CD8A: variants seen among roughly 807,000 people sequenced by gnomAD.
The protein encoded by CD8A is CD8 subunit alpha.
In CD8A, 25 loss-of-function variants were observed where a neutral mutation model predicts 24.2. The ratio of observed to expected loss-of-function variants is 1.03; its 90% CI spans 0.75 to 1.44. CD8A has a LOEUF of 1.44. CD8A is among the 40% of genes most tolerant of loss of function. The pLI is 0.00. For synonymous variants in CD8A, 165 were observed against 149.9 expected, an observed-to-expected ratio of 1.10 and a Z score of -0.74; for missense variants, 360 against 319.7, an observed-to-expected ratio of 1.13 and a Z score of -0.96.
At chr2:86,807,853 C>G (rs2104471767) in intron 1 of CD8A, 1 of 155,738 alleles carries the variant, frequency 6.4e-6, no homozygotes, top group Admixed American at 6.5e-5. Flanking sequence ...GGGGCTAGCC[C>G]AGGCTGAAGG....
chr2:86,799,755 C>CAA (rs147022071), intron 3 of CD8A, among the ~76,000 whole-genome samples: 3 of 143,466 alleles, frequency 2.1e-5, no homozygotes, highest in African/African-American at 7.5e-5. Flanking sequence ...GACTCTGTCT[C>CAA]AAAAAAAAAA....
intron 4 of CD8A, among the ~76,000 whole-genome samples, chr2:86,788,792 T>C (rs1673130853): frequency 6.6e-6 from 1 of 152,082 alleles, no homozygotes; most frequent in Non-Finnish European, 1.5e-5. Flanking sequence ...GAGAGCCGGG[T>C]AAGGGCTTCT....
chr2:86,796,204 T>A (rs1162807654), intron 3 of CD8A, among the ~76,000 whole-genome samples: 1 of 152,172 alleles, frequency 6.6e-6, no homozygotes, highest in African/African-American at 2.4e-5. Context: ...CAGAAGCAGT[T>A]TGAAAAAGCT....
At chr2:86,796,738 G>C (rs1217020807) in intron 3 of CD8A, among the ~76,000 whole-genome samples, 1 of 152,104 alleles carries the variant, frequency 6.6e-6, no homozygotes, top group Non-Finnish European at 1.5e-5. Flanking sequence ...CCTTTCTAGG[G>C]AAACCAACTA....
upstream of CD8A, among the ~76,000 whole-genome samples, chr2:86,792,680 G>T (rs961422566): frequency 6.6e-6 from 1 of 152,102 alleles, no homozygotes; most frequent in Admixed American, 6.5e-5. Flanking sequence ...ATTTTTGGTA[G>T]AGATGGGGTT....
upstream of CD8A, among the ~76,000 whole-genome samples, chr2:86,794,413 G>C (rs1035871539): frequency 1.3e-5 from 2 of 152,178 alleles, no homozygotes; most frequent in African/African-American, 4.8e-5. Context: ...ATCATGGCTG[G>C]GAAATTGCCT....
chr2:86,807,921 C>G (rs1673971129), intron 1 of CD8A: 1 of 153,050 alleles, frequency 6.5e-6, no homozygotes, highest in South Asian at 2.1e-4. Flanking sequence ...GTTTGGGAAC[C>G]TAGCACCAAC....
Position 86,789,926 on chromosome 2 carries a change from C to G in CD8A, c.404-176G>C, listed in dbSNP as rs561636449. Among the ~76,000 whole-genome samples, 18 of 151,772 alleles carry G rather than the reference C, an allele frequency of 1.2e-4. No individual in the cohort carries two copies. The South Asian group carries it at 3.8e-3, about 32-fold the overall frequency. Reference sequence around the variant, plus strand: ...TGCGCGCGGACCCCTGTGCTCGGGCCTCGGCTCAGCCCAGCGCACCCGGCG... The same window carrying G: ...TGCGCGCGGACCCCTGTGCTCGGGCGTCGGCTCAGCCCAGCGCACCCGGCG... On this transcript the variant is annotated intron_variant, in intron 2 of 5. Coordinates refer to ENST00000283635, the MANE Select transcript of CD8A (RefSeq NM_001768.7).
intron 5 of CD8A, among the ~76,000 whole-genome samples, chr2:86,786,269 T>C (rs763905766): frequency 6.6e-6 from 1 of 152,210 alleles, no homozygotes; most frequent in Non-Finnish European, 1.5e-5. Flanking sequence ...ACCGAGTTAG[T>C]CTAGCTTCCT....
Position 86,790,847 on chromosome 2 carries a change from C to A in CD8A, c.-22G>T. On this transcript the variant is annotated 5_prime_UTR_variant, in exon 1 of 6. Transcript: ENST00000283635. ...CCATGACGCGCTCCCCAGGACGCTG[C>A]TTGGCTCGAAGCTCGGGCGCGAGGG... is the stretch of plus-strand genomic sequence containing the variant. The A allele has an allele frequency of 6.5e-7, 1 of 1,538,718 alleles. No individual in the cohort carries two copies. The highest frequency in any genetic ancestry group is 8.7e-7 in the Non-Finnish European group (1 of 1,146,714).
At chr2:86,786,522 G>A (rs1008952356) in intron 5 of CD8A, among the ~76,000 whole-genome samples, 3 of 152,198 alleles carry the variant, frequency 2.0e-5, no homozygotes, top group Non-Finnish European at 4.4e-5. Context: ...AAACCTCTCT[G>A]TTGAAGCTGA....
rs755982461 is a variant in CD8A at position 86,785,570 on chromosome 2, C to T, written c.*350G>A. On this transcript the variant is annotated 3_prime_UTR_variant, in exon 6 of 6. Coordinates refer to ENST00000283635, the MANE Select transcript of CD8A (RefSeq NM_001768.7). ...CAAGCTGTCTCTGGGCTTTAGCCTC[C>T]CCCTTTGTAAAACGGGCGGGGAAGA... 3.9e-6 allele frequency: 2 copies of T among 514,398 alleles called. No homozygotes were observed. Among genetic ancestry groups the T allele is most frequent in the South Asian group, 3.1e-5 (2 of 64,996 alleles). 31.9% of individuals were successfully genotyped at this position (514,398 alleles called of 1,614,324 possible).
chr2:86,785,372 A>G lies in CD8A; in HGVS notation c.*548T>C. On this transcript the variant is annotated 3_prime_UTR_variant, in exon 6 of 6. Transcript: ENST00000283635. Reference sequence around the variant, plus strand: ...ACCTCCTCGAGGCTCTGGGCACAGTATCCCAGGTATCAAGAAGTACTTGTT... The same window carrying G: ...ACCTCCTCGAGGCTCTGGGCACAGTGTCCCAGGTATCAAGAAGTACTTGTT... 1 of 454,258 alleles carries G rather than the reference A, an allele frequency of 2.2e-6. No individual in the cohort carries two copies. Among genetic ancestry groups the G allele is most frequent in the Non-Finnish European group, 4.4e-6 (1 of 226,918 alleles). 28.1% of individuals were successfully genotyped at this position (454,258 alleles called of 1,614,324 possible).
In CD8A at chr2:86,790,550, G is replaced by A; in HGVS notation, c.181C>T (p.Arg61Cys). 1.2e-6 allele frequency: 2 copies of A among 1,613,350 alleles called. No individual in the cohort carries two copies. The highest frequency in any genetic ancestry group is 1.7e-6 in the Non-Finnish European group (2 of 1,179,940). The change falls in exon 2 of 6, where the codon CGC (arginine) becomes TGC (cysteine). Residue 61 changes from arginine (R) to cysteine (C), a missense_variant. Coordinates refer to ENST00000283635, the MANE Select transcript of CD8A (RefSeq NM_001768.7). ...TSGCSWLFQPRGAAASPTFLL... is the reference protein window; with the variant it reads ...TSGCSWLFQPCGAAASPTFLL... ...AAGGTGGGACTGGCGGCGGCGCCGC[G>A]CGGCTGGAAGAGCCACGAGCAGCCC... is the stretch of plus-strand genomic sequence containing the variant.
chr2:86,791,579 G>C (rs1448269453), upstream of CD8A: 1 of 454,176 alleles, frequency 2.2e-6, no homozygotes, highest in South Asian at 1.6e-5. Flanking sequence ...CTCCTGATCA[G>C]TCCTCCAGCC....
In CD8A at chr2:86,789,415, T is replaced by A; in HGVS notation, c.533A>T (p.Asp178Val). The A allele has an allele frequency of 6.2e-7, 1 of 1,613,764 alleles. No individual in the cohort carries two copies. The highest frequency in any genetic ancestry group is 8.5e-7 in the Non-Finnish European group (1 of 1,179,660). ...AGGAVHTRGL[D>V]FACDIYIWAP... is the part of the protein sequence containing the mutation. Reference sequence around the variant, plus strand: ...CCAGATGTAGATATCACAGGCGAAGTCCAGCCCCCTCGTGTGCACTGACGA... The same window carrying A: ...CCAGATGTAGATATCACAGGCGAAGACCAGCCCCCTCGTGTGCACTGACGA... The change falls in exon 4 of 6, where the codon GAC becomes GTC. Residue 178 changes from aspartate to valine, a missense_variant. Transcript: ENST00000283635.
chr2:86,802,860 C>T (rs924853159), intron 2 of CD8A, among the ~76,000 whole-genome samples: 1 of 152,168 alleles, frequency 6.6e-6, no homozygotes, highest in Non-Finnish European at 1.5e-5. Context: ...ATCTGCCTGC[C>T]TTGGCTTCCC....
upstream of CD8A, chr2:86,791,369 C>A (rs1337538461): frequency 2.6e-6 from 1 of 378,102 alleles, no homozygotes. Context: ...GCTAGAGCAG[C>A]CCCAGTTTTC....
chr2:86,803,136 A>G (rs1442141075), intron 2 of CD8A, among the ~76,000 whole-genome samples: 1 of 152,194 alleles, frequency 6.6e-6, no homozygotes, highest in African/African-American at 2.4e-5. Flanking sequence ...GTCAAGTTAA[A>G]AGTGAGTAAA....
Sources: gnomAD v4.1 joint callset for allele counts (sites outside exome capture counted in the v4.1 genomes callset) on GRCh38, gnomAD v4.1.1 for gene constraint, MANE v1.5 for transcripts, NCBI Gene and HGNC (gene_info 2026-07-23, HGNC 2026-07-21) for gene names.